The following SHISA9 variants were observed in gnomAD, a reference collection of about 807,000 sequenced individuals.
SHISA9 encodes the protein shisa family member 9.
A neutral mutation model predicts 38.0 loss-of-function variants in SHISA9; 13 were observed. That is an observed-to-expected ratio of 0.34 (90% CI 0.22 to 0.54). The LOEUF (loss-of-function observed/expected upper bound fraction) is 0.54, where lower values mean the gene tolerates loss of function less well. SHISA9 is among the 20% of genes least tolerant of loss of function. The pLI is 0.91. For synonymous variants in SHISA9, 275 were observed against 242.0 expected, an observed-to-expected ratio of 1.14 and a Z score of -1.27; for missense variants, 538 against 575.8, an observed-to-expected ratio of 0.93 and a Z score of 0.67.
At chr16:13,223,372 A>G (rs2051248137) in intron 4 of SHISA9, among the ~76,000 whole-genome samples, 1 of 152,172 alleles carries the variant, frequency 6.6e-6, no homozygotes, top group South Asian at 2.1e-4. Context: ...TCAAGTCAGT[A>G]GTGAGCTCTG....
chr16:13,061,285 A>G (rs2073372850), intron 2 of SHISA9, among the ~76,000 whole-genome samples: 1 of 152,202 alleles, frequency 6.6e-6, no homozygotes, highest in African/African-American at 2.4e-5. Flanking sequence ...CGTTAAAAGA[A>G]TCATTCCGCA....
At chr16:13,127,184 T>C (rs1272730599) in intron 2 of SHISA9, among the ~76,000 whole-genome samples, 1 of 33,406 alleles carries the variant, frequency 3.0e-5, no homozygotes, top group East Asian at 9.5e-4. Flanking sequence ...AGAGTGAGGG[T>C]GGGAGAGAGA....
At chr16:12,926,386 G>T (rs540891765) in intron 2 of SHISA9, among the ~76,000 whole-genome samples, 1 of 151,938 alleles carries the variant, frequency 6.6e-6, no homozygotes, top group South Asian at 2.1e-4. Flanking sequence ...CTGTCCTGGA[G>T]GACTCAGATT....
chr16:13,173,300 C>T (rs950251247), intron 2 of SHISA9, among the ~76,000 whole-genome samples: 2 of 150,710 alleles, frequency 1.3e-5, no homozygotes, highest in Non-Finnish European at 2.9e-5. Context: ...AAGAACAAAA[C>T]TCTTATATGC....
chr16:13,398,714 A>G, the SHISA9 span, among the ~76,000 whole-genome samples: 1 of 151,738 alleles, frequency 6.6e-6, no homozygotes, highest in Non-Finnish European at 1.5e-5. Flanking sequence ...GTTTCACCAC[A>G]TTGGCCAGGC....
the SHISA9 span, among the ~76,000 whole-genome samples, chr16:13,408,064 G>A: frequency 1.3e-5 from 2 of 151,798 alleles, no homozygotes; most frequent in African/African-American, 4.8e-5. Flanking sequence ...TCTTTACTCT[G>A]TTGATAATTT....
the SHISA9 span, among the ~76,000 whole-genome samples, chr16:13,549,223 T>G: frequency 6.6e-6 from 1 of 151,822 alleles, no homozygotes; most frequent in African/African-American, 2.4e-5. Context: ...GTGTAGGAGG[T>G]TAGGGAAATG....
the SHISA9 span, among the ~76,000 whole-genome samples, chr16:13,269,653 A>G: frequency 8.5e-5 from 13 of 152,340 alleles, no homozygotes; most frequent in East Asian, 2.5e-3. Flanking sequence ...CCTTTCAGCT[A>G]TATCATTCTG....
chr16:13,539,381 G>A, the SHISA9 span, among the ~76,000 whole-genome samples: 3 of 129,294 alleles, frequency 2.3e-5, no homozygotes, highest in African/African-American at 5.6e-5. Flanking sequence ...TCACTGTGTT[G>A]TCCAAGCTGG....
chr16:13,294,891 C>A, the SHISA9 span, among the ~76,000 whole-genome samples: 1 of 152,146 alleles, frequency 6.6e-6, no homozygotes, highest in Non-Finnish European at 1.5e-5. Flanking sequence ...GAGTTAATAG[C>A]CAACATAGTG....
the SHISA9 span, among the ~76,000 whole-genome samples, chr16:13,268,781 A>G: frequency 6.6e-6 from 1 of 152,218 alleles, no homozygotes; most frequent in South Asian, 2.1e-4. Flanking sequence ...TGCATCCAGA[A>G]TAAAAAGCAA....
intron 2 of SHISA9, among the ~76,000 whole-genome samples, chr16:13,035,251 G>T (rs2073040746): frequency 6.6e-6 from 1 of 152,178 alleles, no homozygotes; most frequent in African/African-American, 2.4e-5. Context: ...GACACATTTA[G>T]GTAGGTTGCA....
At chr16:13,498,656 C>G in the SHISA9 span, among the ~76,000 whole-genome samples, 2 of 152,064 alleles carry the variant, frequency 1.3e-5, no homozygotes, top group Non-Finnish European at 2.9e-5. Flanking sequence ...ACTTGGGAGG[C>G]TGAGGCAGTA....
the SHISA9 span, among the ~76,000 whole-genome samples, chr16:13,453,716 A>G: frequency 5.9e-5 from 9 of 152,234 alleles, no homozygotes; most frequent in African/African-American, 2.2e-4. Context: ...AAGCCACTAC[A>G]TTTTAAACTA....
chr16:12,947,573 C>T (rs970480709), intron 2 of SHISA9, among the ~76,000 whole-genome samples: 5 of 152,196 alleles, frequency 3.3e-5, no homozygotes, highest in Admixed American at 1.3e-4. Context: ...GGAATTCATT[C>T]AGCTTGGGGA....
chr16:13,300,701 A>G, the SHISA9 span, among the ~76,000 whole-genome samples: 1 of 151,726 alleles, frequency 6.6e-6, no homozygotes, highest in Admixed American at 6.6e-5. Flanking sequence ...TCTTGTCTCC[A>G]CTCTCTCCCC....
the SHISA9 span, among the ~76,000 whole-genome samples, chr16:13,509,542 C>T: frequency 9.4e-3 from 1,435 of 152,232 alleles, 22 homozygotes; most frequent in African/African-American, 0.033. Context: ...GGCATGGAGC[C>T]CACATAAAGT....
chr16:12,976,046 A>G (rs1047828313), intron 2 of SHISA9, among the ~76,000 whole-genome samples: 1 of 152,020 alleles, frequency 6.6e-6, no homozygotes, highest in Non-Finnish European at 1.5e-5. Flanking sequence ...GTTGGCTGCA[A>G]ATTCATGAGT....
chr16:13,058,853 G>T (rs770113588), intron 2 of SHISA9, among the ~76,000 whole-genome samples: 1 of 151,904 alleles, frequency 6.6e-6, no homozygotes, highest in African/African-American at 2.4e-5. Flanking sequence ...ACATAATACC[G>T]TTGCTCACTA....
Sources: allele counts gnomAD v4.1 joint callset (sites outside exome capture counted in the v4.1 genomes callset), GRCh38; gene constraint gnomAD v4.1.1; transcripts MANE v1.5; gene names NCBI Gene and HGNC (gene_info 2026-07-23, HGNC 2026-07-21).